ARHGEF3: variants seen among roughly 807,000 people sequenced by gnomAD.
ARHGEF3 encodes 59.8 kDA protein.
ARHGEF3 carries 28 observed loss-of-function variants against 63.2 expected under a neutral mutation model. The ratio of observed to expected loss-of-function variants is 0.44; its 90% CI spans 0.33 to 0.61. ARHGEF3 has a LOEUF of 0.61. Ranked by LOEUF, ARHGEF3 falls within the 20% of genes least tolerant of loss-of-function variation. The pLI is 0.03. For synonymous variants in ARHGEF3, 266 were observed against 254.2 expected, an observed-to-expected ratio of 1.05 and a Z score of -0.44; for missense variants, 533 against 659.3, an observed-to-expected ratio of 0.81 and a Z score of 2.10.
At chr3:57,002,447 G>A (rs1702238258) in intron 2 of ARHGEF3, among the ~76,000 whole-genome samples, 3 of 16,370 alleles carry the variant, frequency 1.8e-4, no homozygotes, top group African/African-American at 2.9e-4. Context: ...TATATGCCAG[G>A]CACTGTTCTA....
At chr3:56,902,579 A>G (rs1352101948) in intron 3 of ARHGEF3, among the ~76,000 whole-genome samples, 2 of 152,192 alleles carry the variant, frequency 1.3e-5, no homozygotes, top group African/African-American at 4.8e-5. Flanking sequence ...CTGACACAAA[A>G]TAAAAATGTG....
chr3:56,737,404 T>A, intron 7 of ARHGEF3, 49 bp from the exon 8 acceptor site: 1 of 1,509,246 alleles, frequency 6.6e-7, no homozygotes, highest in Admixed American at 1.8e-5. Context: ...CAGCAAACCA[T>A]TCACACCAAG....
At chr3:56,916,464 G>T in intron 3 of ARHGEF3, 1 of 1,417,646 alleles carries the variant, frequency 7.1e-7, no homozygotes, top group African/African-American at 1.4e-5. Flanking sequence ...CCGCCACTTG[G>T]GCTGCATGAC....
At chr3:56,921,281 A>G (rs2042134615) in intron 3 of ARHGEF3, among the ~76,000 whole-genome samples, 1 of 152,120 alleles carries the variant, frequency 6.6e-6, no homozygotes. Flanking sequence ...CCAAATTAAA[A>G]TAATATATTG....
In ARHGEF3 at chr3:56,952,754, G is replaced by A. The variant is rs549809045; in HGVS notation, c.129+6069C>T. ...TTAGTAATTACCATTACAAAGTTGGGGTAACAAATCATTTTTTCATACATC... is the reference window on the plus strand; with the variant it reads ...TTAGTAATTACCATTACAAAGTTGGAGTAACAAATCATTTTTTCATACATC... On this transcript the variant is annotated intron_variant, in intron 3 of 12. Coordinates refer to the ARHGEF3 transcript ENST00000338458. Among the ~76,000 whole-genome samples, 8 of 151,728 alleles carry A rather than the reference G, an allele frequency of 5.3e-5. No individual in the cohort carries two copies. In the South Asian group the frequency reaches 1.7e-3, roughly 32 times the overall value.
intron 2 of ARHGEF3, among the ~76,000 whole-genome samples, chr3:56,766,800 G>A (rs765279784): frequency 6.6e-6 from 1 of 152,198 alleles, no homozygotes; most frequent in Non-Finnish European, 1.5e-5. Flanking sequence ...AAGCCTTGCC[G>A]TATCAACGGC....
At chr3:57,054,392 G>A (rs1704811337) in intron 1 of ARHGEF3, among the ~76,000 whole-genome samples, 1 of 151,856 alleles carries the variant, frequency 6.6e-6, no homozygotes, top group Non-Finnish European at 1.5e-5. Context: ...CACTCTGGGA[G>A]GCCAAGGTGG....
intron 3 of ARHGEF3, among the ~76,000 whole-genome samples, chr3:56,886,178 T>C (rs545682076): frequency 6.6e-6 from 1 of 152,332 alleles, no homozygotes; most frequent in African/African-American, 2.4e-5. Flanking sequence ...TTAATTGTTT[T>C]CTGGGTTTTG....
chr3:56,770,878 G>A (rs1287575233), intron 2 of ARHGEF3, among the ~76,000 whole-genome samples: 1 of 152,084 alleles, frequency 6.6e-6, no homozygotes, highest in Admixed American at 6.5e-5. Context: ...TTGGGAGGCC[G>A]AGGCAGGTGG....
chr3:56,891,538 C>T (rs1324138244), intron 3 of ARHGEF3, among the ~76,000 whole-genome samples: 6 of 152,032 alleles, frequency 3.9e-5, no homozygotes, highest in African/African-American at 1.4e-4. Context: ...ATACCACTAA[C>T]TATAGGTTGA....
intron 4 of ARHGEF3, among the ~76,000 whole-genome samples, chr3:56,808,621 A>C (rs2037951702): frequency 6.7e-6 from 1 of 150,070 alleles, no homozygotes. Flanking sequence ...TAAAAATAAA[A>C]AATTAGCTAT....
At chr3:56,741,257 C>G (rs2034004785) in intron 7 of ARHGEF3, among the ~76,000 whole-genome samples, 1 of 148,174 alleles carries the variant, frequency 6.7e-6, no homozygotes, top group East Asian at 2.0e-4. Flanking sequence ...GCAATCTCGG[C>G]TCACTGCAAC....
At chr3:56,815,901 T>C (rs1386423165) in intron 4 of ARHGEF3, among the ~76,000 whole-genome samples, 1 of 152,172 alleles carries the variant, frequency 6.6e-6, no homozygotes, top group Non-Finnish European at 1.5e-5. Flanking sequence ...GGGCCATACC[T>C]AATTCTGTTC....
At chr3:56,860,037 AAGAGAGATAGAT>A (rs1481933880) in intron 4 of ARHGEF3, among the ~76,000 whole-genome samples, 2 of 131,956 alleles carry the variant, frequency 1.5e-5, no homozygotes, top group Non-Finnish European at 3.3e-5. Context: ...ACCTGGTCTC[AAGAGAGATAGAT>A]AGATAGATAG....
intron 1 of ARHGEF3, among the ~76,000 whole-genome samples, chr3:56,780,957 C>T (rs2036534864): frequency 6.6e-6 from 1 of 152,150 alleles, no homozygotes; most frequent in Non-Finnish European, 1.5e-5. Context: ...GTGAATGTGA[C>T]CTTATTTGGA....
At chr3:56,794,109 G>C (rs1031452428) in intron 1 of ARHGEF3, among the ~76,000 whole-genome samples, 3 of 152,190 alleles carry the variant, frequency 2.0e-5, no homozygotes, top group African/African-American at 7.2e-5. Flanking sequence ...GGGAGAGAGG[G>C]AGAGGAGAGA....
rs1313100907 is a variant in ARHGEF3 at position 56,958,957 on chromosome 3, A to T, written c.63-68T>A. ...TATTCAGAGGAAGTCACTGCTTTCA[A>T]ATGCAGGTTTATCAAAAAGAGAGAT... On this transcript the variant is annotated intron_variant, in intron 2 of 12. Transcript: ENST00000338458. 5.5e-6 allele frequency: 8 copies of T among 1,456,392 alleles called. No individual in the cohort carries two copies. The African/African-American group carries it at 8.5e-5, about 15-fold the overall frequency. 90.2% of individuals were successfully genotyped at this position (1,456,392 alleles called of 1,614,324 possible). A position where few individuals can be genotyped will look rare whatever the true frequency, so the allele number is the denominator to read the frequency against.
At chr3:56,984,111 A>G (rs1271038105) in intron 2 of ARHGEF3, among the ~76,000 whole-genome samples, 1 of 152,076 alleles carries the variant, frequency 6.6e-6, no homozygotes, top group Non-Finnish European at 1.5e-5. Context: ...CCCATTGTGG[A>G]TAGCCTCACA....
chr3:56,891,078 G>T (rs781758635), intron 3 of ARHGEF3, among the ~76,000 whole-genome samples: 1 of 151,502 alleles, frequency 6.6e-6, no homozygotes, highest in Non-Finnish European at 1.5e-5. Flanking sequence ...CTAAATTCAC[G>T]TTTTAGCAGG....
Sources: gnomAD v4.1 joint callset for allele counts (sites outside exome capture counted in the v4.1 genomes callset) on GRCh38, gnomAD v4.1.1 for gene constraint, MANE v1.5 for transcripts, NCBI Gene and HGNC (gene_info 2026-07-23, HGNC 2026-07-21) for gene names.